RANBP2: variants seen among roughly 807,000 people sequenced by gnomAD.
The protein encoded by RANBP2 is RAN binding protein 2, also known as E3 SUMO-protein ligase RanBP2.
Under a neutral mutation model 303.6 loss-of-function variants are expected in RANBP2, and 57 were observed. The ratio of observed to expected loss-of-function variants is 0.19; its 90% CI spans 0.15 to 0.23. The LOEUF is 0.23. RANBP2 is among the 10% of genes least tolerant of loss of function. The pLI is 1.00. For synonymous variants in RANBP2, 1,167 were observed against 1,301.5 expected, an observed-to-expected ratio of 0.90 and a Z score of 2.23; for missense variants, 3,138 against 3,780.8, an observed-to-expected ratio of 0.83 and a Z score of 4.46.
At chr2:109,637,743 C>T in the RANBP2 span, among the ~76,000 whole-genome samples, 3 of 152,230 alleles carry the variant, frequency 2.0e-5, no homozygotes, top group East Asian at 1.9e-4. Flanking sequence ...AACAACATCT[C>T]AGCAAAGCAA....
At chr2:108,970,386 G>A in the RANBP2 span, among the ~76,000 whole-genome samples, 1 of 152,140 alleles carries the variant, frequency 6.6e-6, no homozygotes, top group Non-Finnish European at 1.5e-5. Context: ...AGAGAACCTG[G>A]GAGCCCAGAG....
chr2:109,408,034 C>A, the RANBP2 span, among the ~76,000 whole-genome samples: 1 of 152,136 alleles, frequency 6.6e-6, no homozygotes, highest in African/African-American at 2.4e-5. Flanking sequence ...AGGAAAGATC[C>A]TTGGGTCTTC....
At chr2:109,337,266 G>T in the RANBP2 span, among the ~76,000 whole-genome samples, 1 of 152,180 alleles carries the variant, frequency 6.6e-6, no homozygotes, top group Non-Finnish European at 1.5e-5. Flanking sequence ...GGCTCCCTTG[G>T]TCCTGGGACC....
At chr2:109,339,098 G>A in the RANBP2 span, among the ~76,000 whole-genome samples, 2 of 152,152 alleles carry the variant, frequency 1.3e-5, no homozygotes, top group South Asian at 2.1e-4. Flanking sequence ...TCATCTTCAC[G>A]TTGTGTGGGC....
the RANBP2 span, among the ~76,000 whole-genome samples, chr2:109,631,417 A>G: frequency 1.3e-5 from 2 of 152,228 alleles, no homozygotes; most frequent in Non-Finnish European, 2.9e-5. Context: ...TGAGTTAAGT[A>G]TATAGATATC....
chr2:108,896,683 G>A, the RANBP2 span: 1 of 572,748 alleles, frequency 1.7e-6, no homozygotes, highest in Non-Finnish European at 3.1e-6. Flanking sequence ...ACTCTGCCTG[G>A]TGAGGTACAG....
the RANBP2 span, among the ~76,000 whole-genome samples, chr2:108,926,637 C>G: frequency 2.6e-5 from 4 of 152,216 alleles, no homozygotes; most frequent in African/African-American, 9.6e-5. Context: ...TCTCTCTCCC[C>G]CTTTCCTCCT....
At chr2:109,038,661 G>T in the RANBP2 span, among the ~76,000 whole-genome samples, 1 of 152,134 alleles carries the variant, frequency 6.6e-6, no homozygotes, top group African/African-American at 2.4e-5. Flanking sequence ...CTAGAATAAA[G>T]AACTTTCGAA....
the RANBP2 span, chr2:108,856,881 T>C: frequency 6.2e-7 from 1 of 1,613,296 alleles, no homozygotes. Flanking sequence ...TATCAGGCTG[T>C]TCCAGTAATA....
the RANBP2 span, among the ~76,000 whole-genome samples, chr2:109,468,821 T>C: frequency 7.7e-6 from 1 of 129,596 alleles, no homozygotes; most frequent in Non-Finnish European, 1.5e-5. Context: ...GGCAGTGCAC[T>C]CCAGCCTGGG....
At chr2:109,520,598 CAAAAAAAAAA>C in the RANBP2 span, among the ~76,000 whole-genome samples, 2 of 50,108 alleles carry the variant, frequency 4.0e-5, no homozygotes, top group East Asian at 5.6e-4. Flanking sequence ...GACTCCATCT[CAAAAAAAAAA>C]AAAAAAAAAA....
At chr2:108,729,867 G>A (rs1265315370) in intron 2 of RANBP2, among the ~76,000 whole-genome samples, 2 of 152,028 alleles carry the variant, frequency 1.3e-5, no homozygotes, top group Non-Finnish European at 2.9e-5. Flanking sequence ...ATACAGATGC[G>A]CACCACCACA....
chr2:108,854,004 ATATATAATATATAATAAATTTATATT>A, the RANBP2 span, among the ~76,000 whole-genome samples: 23 of 27,332 alleles, frequency 8.4e-4, no homozygotes, highest in South Asian at 3.3e-3. Context: ...AATTTATATT[ATATATAATATATAATAAATTTATATT>A]ATATATAATA....
chr2:109,140,031 C>T, the RANBP2 span, among the ~76,000 whole-genome samples: 1 of 152,130 alleles, frequency 6.6e-6, no homozygotes, highest in East Asian at 1.9e-4. Context: ...TGAAACTGTG[C>T]CTACATAACT....
chr2:108,932,471 G>C, the RANBP2 span, among the ~76,000 whole-genome samples: 13 of 147,430 alleles, frequency 8.8e-5, no homozygotes, highest in African/African-American at 3.0e-4. Context: ...GGAGCTTGCA[G>C]TGAGCCGAGA....
the RANBP2 span, among the ~76,000 whole-genome samples, chr2:109,119,159 T>A: frequency 6.6e-6 from 1 of 152,212 alleles, no homozygotes; most frequent in East Asian, 1.9e-4. Flanking sequence ...GGCATGGAGT[T>A]CCTGGACAGA....
At chr2:109,678,037 C>CG in the RANBP2 span, among the ~76,000 whole-genome samples, 2 of 152,142 alleles carry the variant, frequency 1.3e-5, no homozygotes, top group Non-Finnish European at 2.9e-5. Context: ...GCAGGGGGGT[C>CG]GCACCCCACC....
chr2:109,710,219 TA>T, the RANBP2 span, among the ~76,000 whole-genome samples: 1 of 151,778 alleles, frequency 6.6e-6, no homozygotes, highest in African/African-American at 2.4e-5. Context: ...CCATCTCTAC[TA>T]AAAATTCAAA....
chr2:108,926,463 G>A, the RANBP2 span, among the ~76,000 whole-genome samples: 1 of 152,330 alleles, frequency 6.6e-6, no homozygotes, highest in South Asian at 2.1e-4. Context: ...TCTCATGCCT[G>A]TAAGGGACGC....
Sources: gnomAD v4.1 joint callset for allele counts (sites outside exome capture counted in the v4.1 genomes callset) on GRCh38, gnomAD v4.1.1 for gene constraint, MANE v1.5 for transcripts, NCBI Gene and HGNC (gene_info 2026-07-23, HGNC 2026-07-21) for gene names.